RFX7: variants seen among roughly 807,000 people sequenced by gnomAD.
RFX7 encodes the protein regulatory factor X7.
A neutral mutation model predicts 111.8 loss-of-function variants in RFX7; 26 were observed. The ratio of observed to expected loss-of-function variants is 0.23; its 90% CI spans 0.17 to 0.32. The LOEUF (loss-of-function observed/expected upper bound fraction) is 0.32. Among genes scored for constraint, RFX7 ranks in the 10% least tolerant of loss-of-function variants. RFX7 has a pLI of 1.00. For missense variants in RFX7, 1,573 were observed against 1,772.9 expected (o/e 0.89, Z 2.02); for synonymous variants, 624 against 624.4 (o/e 1.00, Z 0.01).
At chr15:56,115,666 C>T (rs1223583258) in intron 5 of RFX7, among the ~76,000 whole-genome samples, 3 of 152,070 alleles carry the variant, frequency 2.0e-5, no homozygotes, top group Non-Finnish European at 4.4e-5. Context: ...AGGCCCGGCA[C>T]GGTGGCTCAG....
Position 56,093,593 on chromosome 15 carries a change from C to T in RFX7, c.4135G>A (p.Asp1379Asn). ...GASDLTNTAS[D>N]FSSDIRLSSE... ...GACAACCTGATATCGCTAGAGAAAT[C>T]AGATGCAGTATTAGTGAGATCAGAT... Residue 1379 changes from aspartate to asparagine, a missense_variant, in exon 10 of 10, where the codon GAT becomes AAT. This residue lies in a region of RFX7 where 411 missense variants were observed against 478.1 expected (regional missense o/e 0.86). Coordinates refer to ENST00000559447, the MANE Select transcript of RFX7 (RefSeq NM_022841.7). 6.2e-7 allele frequency: 1 copy of T among 1,613,684 alleles called. No homozygotes were observed. The highest frequency in any genetic ancestry group is 8.5e-7 in the Non-Finnish European group (1 of 1,179,732).
chr15:56,109,628 T>C (rs2041882921), intron 5 of RFX7, among the ~76,000 whole-genome samples: 1 of 150,864 alleles, frequency 6.6e-6, no homozygotes, highest in Admixed American at 6.6e-5. Flanking sequence ...CGCCATCCCA[T>C]CTAGGAAGTG....
intron 3 of RFX7, among the ~76,000 whole-genome samples, chr15:56,150,564 A>T (rs556465743): frequency 3.9e-4 from 60 of 152,366 alleles, no homozygotes; most frequent in Middle Eastern, 6.8e-3. Flanking sequence ...CTGGAAGGTC[A>T]CCAACATCAA....
At chr15:56,218,535 G>T (rs1368672049) in intron 2 of RFX7, among the ~76,000 whole-genome samples, 3 of 152,122 alleles carry the variant, frequency 2.0e-5, no homozygotes, top group Non-Finnish European at 2.9e-5. Flanking sequence ...TACCTATGGG[G>T]GTCCTGGAAC....
chr15:56,144,524 A>C, intron 3 of RFX7, 41 bp from the exon 4 acceptor site: 5 of 1,197,138 alleles, frequency 4.2e-6, no homozygotes, highest in Non-Finnish European at 5.7e-6. Context: ...TTTTTAAAAA[A>C]CACTCATTTT....
In RFX7 at chr15:56,203,256, T is replaced by C. The variant is rs185034228; in HGVS notation, c.162-23953A>G. Among the ~76,000 whole-genome samples, 7 of 152,292 alleles carry C rather than the reference T, an allele frequency of 4.6e-5. No homozygotes were observed. In the East Asian group the frequency reaches 1.4e-3, roughly 29 times the overall value. On this transcript the variant is annotated intron_variant, in intron 2 of 9. Transcript: ENST00000559447. ...GCAAAGTTAGTACAGATTAGTGACA[T>C]ATTGCCCGTATTCTAGAAGTACACT...
In RFX7 at chr15:56,095,341, C is replaced by A. The variant is rs1319007074; in HGVS notation, c.2387G>T (p.Cys796Phe). The A allele has an allele frequency of 6.2e-7, 1 of 1,613,762 alleles. No homozygotes were observed. Among genetic ancestry groups the A allele is most frequent in the African/African-American group, 1.3e-5 (1 of 74,916 alleles). Residue 796 changes from cysteine to phenylalanine, a missense_variant, in exon 10 of 10, where the codon TGT becomes TTT. Coordinates refer to ENST00000559447, the MANE Select transcript of RFX7 (RefSeq NM_022841.7). ...AACACTGATATCTTGCTGTTGTTCA[C>A]AACTGGCAGATATAAACTCAGAATC... The part of the protein sequence containing the change: ...TKDSEFISAS[C>F]EQQQDISVMT...
chr15:56,171,804 C>T (rs1237235005), intron 3 of RFX7, among the ~76,000 whole-genome samples: 1 of 152,094 alleles, frequency 6.6e-6, no homozygotes, highest in African/African-American at 2.4e-5. Flanking sequence ...GTTTGAAGTA[C>T]TTATGTGACA....
intron 3 of RFX7, among the ~76,000 whole-genome samples, chr15:56,153,003 A>T (rs1378580221): frequency 6.6e-6 from 1 of 152,216 alleles, no homozygotes; most frequent in Non-Finnish European, 1.5e-5. Flanking sequence ...TCCCAAGTCT[A>T]AGCCACAAAG....
intron 2 of RFX7, 69 bp downstream of exon 2, chr15:56,243,056 G>GCCCCCCCCCCCCCCCC: frequency 3.8e-6 from 2 of 520,784 alleles, no homozygotes; most frequent in Non-Finnish European, 6.7e-6. Context: ...CCCGCCCGCC[G>GCCCCCCCCCCCCCCCC]CCCCCCACCC....
At chr15:56,181,209 G>A (rs950291136) in intron 2 of RFX7, among the ~76,000 whole-genome samples, 3 of 152,194 alleles carry the variant, frequency 2.0e-5, no homozygotes, top group Admixed American at 2.0e-4. Flanking sequence ...GGCAGCCTCC[G>A]TGATAGCTCC....
chr15:56,211,887 A>G (rs1471458294), intron 2 of RFX7, among the ~76,000 whole-genome samples: 3 of 152,120 alleles, frequency 2.0e-5, no homozygotes, highest in Non-Finnish European at 4.4e-5. Context: ...AAATCCTGAC[A>G]AGGATGTGGA....
intron 5 of RFX7, among the ~76,000 whole-genome samples, chr15:56,111,244 T>G (rs1197869865): frequency 6.7e-6 from 1 of 149,132 alleles, no homozygotes; most frequent in African/African-American, 2.5e-5. Flanking sequence ...AATCGGATGG[T>G]TGCCGTGTCT....
chr15:56,094,316 T>A lies in RFX7; in HGVS notation c.3412A>T (p.Asn1138Tyr), dbSNP rs117724392. 3.1e-3 allele frequency: 4,944 copies of A among 1,613,942 alleles called. 150 individuals are homozygous for A. In the Admixed American group the frequency reaches 0.052, roughly 17 times the overall value. Reference protein sequence around the residue: ...QHQGATVNNTNKQEGFAVPAP... With the variant: ...QHQGATVNNTYKQEGFAVPAP... ...GGGACTGCAAAACCCTCCTGTTTGTTGGTGTTATTTACAGTGGCACCTTGA... is the reference window on the plus strand; with the variant it reads ...GGGACTGCAAAACCCTCCTGTTTGTAGGTGTTATTTACAGTGGCACCTTGA... Residue 1138 changes from asparagine (N) to tyrosine (Y), a missense_variant, in exon 10 of 10, where the codon AAC becomes TAC. Around this residue, in one of 7 missense-constraint regions of RFX7, gnomAD observed 411 missense variants for 478.1 expected, o/e 0.86. Transcript: ENST00000559447.
chr15:56,198,435 T>C (rs2043165765), intron 2 of RFX7, among the ~76,000 whole-genome samples: 1 of 152,280 alleles, frequency 6.6e-6, no homozygotes, highest in East Asian at 1.9e-4. Flanking sequence ...CCAATGTAAG[T>C]ACGCAACACC....
intron 2 of RFX7, among the ~76,000 whole-genome samples, chr15:56,235,960 G>C (rs1263059730): frequency 1.3e-5 from 2 of 152,134 alleles, no homozygotes; most frequent in Non-Finnish European, 2.9e-5. Context: ...AGACATAACA[G>C]ATTGGAATCT....
intron 2 of RFX7, among the ~76,000 whole-genome samples, chr15:56,197,530 T>C (rs1289552632): frequency 1.3e-5 from 2 of 152,092 alleles, no homozygotes; most frequent in East Asian, 1.9e-4. Context: ...TTTTTTCATA[T>C]AGATAATGAA....
At chr15:56,211,750 A>T (rs1275825161) in intron 2 of RFX7, among the ~76,000 whole-genome samples, 5 of 152,186 alleles carry the variant, frequency 3.3e-5, no homozygotes, top group Non-Finnish European at 5.9e-5. Context: ...GAAGATGTAC[A>T]GATGGCAAAT....
chr15:56,234,864 T>C (rs1280083388), intron 2 of RFX7, among the ~76,000 whole-genome samples: 1 of 152,188 alleles, frequency 6.6e-6, no homozygotes, highest in Non-Finnish European at 1.5e-5. Flanking sequence ...TTCATTTAAA[T>C]TCAGTAAAAA....
Sources: allele counts gnomAD v4.1 joint callset (sites outside exome capture counted in the v4.1 genomes callset), GRCh38; gene constraint gnomAD v4.1.1; regional missense constraint gnomAD v4.1.1; transcripts MANE v1.5; gene names NCBI Gene and HGNC (gene_info 2026-07-23, HGNC 2026-07-21).